The following ATP2B4 variants were observed in gnomAD, a reference collection of about 807,000 sequenced individuals.
The protein encoded by ATP2B4 is plasma membrane calcium-transporting ATPase 4.
ATP2B4 carries 39 observed loss-of-function variants against 110.3 expected under a neutral mutation model. The ratio of observed to expected loss-of-function variants is 0.35; its 90% CI spans 0.27 to 0.46. The LOEUF (loss-of-function observed/expected upper bound fraction) is 0.46. Ranked by LOEUF, ATP2B4 falls within the 20% of genes least tolerant of loss-of-function variation. The probability of loss-of-function intolerance (pLI) is 1.00; values close to 1 mark genes in which losing one functional copy is unlikely to be tolerated. For synonymous variants in ATP2B4, 538 were observed against 571.7 expected (o/e 0.94, Z 0.84); for missense variants, 1,135 against 1,530.9 (o/e 0.74, Z 4.32).
intron 1 of ATP2B4, among the ~76,000 whole-genome samples, chr1:203,665,544 G>A (rs1664477986): frequency 6.6e-6 from 1 of 152,162 alleles, no homozygotes; most frequent in Non-Finnish European, 1.5e-5. Context: ...GCTCACGCCT[G>A]TAATCCCAAC....
At chr1:203,673,581 C>T (rs921532443) in intron 1 of ATP2B4, among the ~76,000 whole-genome samples, 3 of 152,242 alleles carry the variant, frequency 2.0e-5, no homozygotes, top group Non-Finnish European at 2.9e-5. Context: ...ATAGGTAAAG[C>T]GGGGATGGGA....
At chr1:203,684,177 G>A (rs1455958915) in intron 2 of ATP2B4, among the ~76,000 whole-genome samples, 1 of 152,056 alleles carries the variant, frequency 6.6e-6, no homozygotes, top group African/African-American at 2.4e-5. Flanking sequence ...AAGTGAATAA[G>A]TCCAGCTGCC....
chr1:203,689,824 A>C (rs141749808), intron 2 of ATP2B4, among the ~76,000 whole-genome samples: 74 of 152,350 alleles, frequency 4.9e-4, no homozygotes, highest in Non-Finnish European at 8.4e-4. Context: ...AGCAGCGTCT[A>C]TGGGAACACA....
At position 203,713,158 on chromosome 1, in the gene ATP2B4, T is replaced by C; in HGVS notation, c.2212-7T>C. On this transcript the variant is annotated splice_region_variant and splice_polypyrimidine_tract_variant and intron_variant, in intron 13 of 20. Coordinates refer to ENST00000357681, the MANE Select transcript of ATP2B4 (RefSeq NM_001684.5). ...TGACTGATCCAGGTGTGGTCTGGTG[T>C]TGGCAGGTAGAGCAAGAAAAGCTGG... 4 of 1,614,166 alleles carry C rather than the reference T, an allele frequency of 2.5e-6. No individual in the cohort carries two copies. The highest frequency in any genetic ancestry group is 3.4e-6 in the Non-Finnish European group (4 of 1,180,000).
At chr1:203,698,669 A>G (rs12405255) in intron 3 of ATP2B4, among the ~76,000 whole-genome samples, 1 of 151,552 alleles carries the variant, frequency 6.6e-6, no homozygotes, top group African/African-American at 2.4e-5. Context: ...ATTTTAATGG[A>G]ATCTTGCTCT....
At chr1:203,639,985 G>T (rs758039904) in intron 1 of ATP2B4, among the ~76,000 whole-genome samples, 1 of 152,120 alleles carries the variant, frequency 6.6e-6, no homozygotes, top group African/African-American at 2.4e-5. Context: ...GCTTCAGTTG[G>T]TACATGCTGT....
Position 203,710,905 on chromosome 1 carries a change from G to A in ATP2B4, c.1828G>A (p.Glu610Lys), listed in dbSNP as rs149444704. 9.3e-6 allele frequency: 15 copies of A among 1,613,998 alleles called. No homozygotes were observed. The highest frequency in any genetic ancestry group is 1.2e-5 in the Non-Finnish European group (14 of 1,179,948). The stretch of plus-strand genomic sequence containing the variant: ...TAATCGAATCCTGGACCGGAAAGGG[G>A]AAGCAGTGCCATTCAAGAATAAAGA... ...KCNRILDRKG[E>K]AVPFKNKDRD... Residue 610 changes from glutamate to lysine, a missense_variant, in exon 12 of 21, where the codon GAA becomes AAA. Around this residue, in one of 9 missense-constraint regions of ATP2B4, gnomAD observed 368 missense variants for 455.9 expected, o/e 0.81. Coordinates refer to ENST00000357681, the MANE Select transcript of ATP2B4 (RefSeq NM_001684.5).
At chr1:203,667,898 G>A (rs1274498914) in intron 1 of ATP2B4, among the ~76,000 whole-genome samples, 1 of 152,210 alleles carries the variant, frequency 6.6e-6, no homozygotes, top group Non-Finnish European at 1.5e-5. Flanking sequence ...ATCCCTCTCT[G>A]GTGATGAAGA....
rs1390986215 is a variant in ATP2B4 at position 203,743,553 on chromosome 1, C to A, written c.*3699C>A. ...ATTGGCCTTTGGTTCATGTTTTCTC[C>A]CCATATGTATATATGCCATATGTGA... On this transcript the variant is annotated 3_prime_UTR_variant, in exon 21 of 21. Transcript: ENST00000357681. 1 of 152,572 alleles carries A rather than the reference C, an allele frequency of 6.6e-6. No individual in the cohort carries two copies. The highest frequency in any genetic ancestry group is 6.6e-5 in the Admixed American group (1 of 15,266). 9.5% of individuals were successfully genotyped at this position (152,572 alleles called of 1,614,324 possible). A position where few individuals can be genotyped will look rare whatever the true frequency, so the allele number is the denominator to read the frequency against.
chr1:203,683,298 G>A lies in ATP2B4; in HGVS notation c.93G>A (p.Lys31=). Reference sequence around the variant, plus strand: ...GCTGCACAGTAATGGAACTGAGGAAGCTCATGGAGCTGCGTTCAAGGGATG... The same window carrying A: ...GCTGCACAGTAATGGAACTGAGGAAACTCATGGAGCTGCGTTCAAGGGATG... ...DFGCTVMELR[K]LMELRSRDAL... Residue 31 remains lysine (K), a synonymous_variant, in exon 2 of 21, where the codon AAG becomes AAA. Coordinates refer to ENST00000357681, the MANE Select transcript of ATP2B4 (RefSeq NM_001684.5). The A allele has an allele frequency of 6.2e-7, 1 of 1,614,204 alleles. No homozygotes were observed. Among genetic ancestry groups the A allele is most frequent in the Non-Finnish European group, 8.5e-7 (1 of 1,180,044 alleles).
intron 1 of ATP2B4, among the ~76,000 whole-genome samples, chr1:203,644,423 A>G (rs1467180974): frequency 6.6e-6 from 1 of 152,102 alleles, no homozygotes; most frequent in Non-Finnish European, 1.5e-5. Flanking sequence ...AGCCTTCCTA[A>G]TGACAGGCAG....
chr1:203,724,000 C>G lies in ATP2B4; in HGVS notation c.3132+12C>G. 6.2e-7 allele frequency: 1 copy of G among 1,600,372 alleles called. No homozygotes were observed. The highest frequency in any genetic ancestry group is 8.5e-7 in the Non-Finnish European group (1 of 1,172,104). ...TTCTGTGGGGCCAGGTGAGTACCGGCACACCCTCCTGGTGCATTCTCACAG... is the reference window on the plus strand; with the variant it reads ...TTCTGTGGGGCCAGGTGAGTACCGGGACACCCTCCTGGTGCATTCTCACAG... On this transcript the variant is annotated intron_variant, in intron 19 of 20. Transcript: ENST00000357681.
Position 203,742,090 on chromosome 1 carries a change from A to G in ATP2B4, c.*2236A>G, listed in dbSNP as rs1382699843. ...ATAATAGGAGAGAAAATATAGAAATATATGCAAAAATTATAGTTTTCTTTA... is the reference window on the plus strand; with the variant it reads ...ATAATAGGAGAGAAAATATAGAAATGTATGCAAAAATTATAGTTTTCTTTA... On this transcript the variant is annotated 3_prime_UTR_variant, in exon 21 of 21. Transcript: ENST00000357681. 6.6e-6 allele frequency: 1 copy of G among 152,662 alleles called. No homozygotes were observed. The highest frequency in any genetic ancestry group is 1.5e-5 in the Non-Finnish European group (1 of 68,040). 9.5% of individuals were successfully genotyped at this position (152,662 alleles called of 1,614,324 possible). A position where few individuals can be genotyped will look rare whatever the true frequency, so the allele number is the denominator to read the frequency against.
At chr1:203,649,465 T>C (rs1663908493) in intron 1 of ATP2B4, among the ~76,000 whole-genome samples, 1 of 152,142 alleles carries the variant, frequency 6.6e-6, no homozygotes, top group South Asian at 2.1e-4. Flanking sequence ...TAAATGGAAG[T>C]GCTTTGAAAA....
In ATP2B4 at chr1:203,721,303, G is replaced by T; in HGVS notation, c.2705G>T (p.Arg902Leu). 6.2e-7 allele frequency: 1 copy of T among 1,614,208 alleles called. No homozygotes were observed. The highest frequency in any genetic ancestry group is 8.5e-7 in the Non-Finnish European group (1 of 1,180,032). ...CCCCCTACGGAATCTCTGTTGAAGC[G>T]GCGCCCCTATGGCCGAAATAAGCCT... ...TEPPTESLLK[R>L]RPYGRNKPLI... Residue 902 changes from arginine (R) to leucine (L), a missense_variant, in exon 17 of 21, where the codon CGG becomes CTG. By Grantham distance (102) the Arg-to-Leu change is moderately radical. Transcript: ENST00000357681.
Position 203,722,705 on chromosome 1 carries a change from C to T in ATP2B4, c.3024+16C>T. 1 of 1,611,672 alleles carries T rather than the reference C, an allele frequency of 6.2e-7. No homozygotes were observed. The highest frequency in any genetic ancestry group is 8.5e-7 in the Non-Finnish European group (1 of 1,177,904). Reference sequence around the variant, plus strand: ...CATCTGCCAGGTGAGATTCTATCTGCAGTTGGGGCAGGAGATCTGGAATGA... The same window carrying T: ...CATCTGCCAGGTGAGATTCTATCTGTAGTTGGGGCAGGAGATCTGGAATGA... On this transcript the variant is annotated intron_variant, in intron 18 of 20. Coordinates refer to ENST00000357681, the MANE Select transcript of ATP2B4 (RefSeq NM_001684.5).
intron 1 of ATP2B4, among the ~76,000 whole-genome samples, chr1:203,672,107 A>G (rs1664682105): frequency 1.3e-5 from 2 of 152,166 alleles, no homozygotes; most frequent in South Asian, 2.1e-4. Context: ...GGGAGGTGAG[A>G]AGACCCTGGG....
chr1:203,701,010 TGGTTGGAAGAATCTGCTGCCATGAA>T, intron 6 of ATP2B4, 87 bp downstream of exon 6: 1 of 1,467,756 alleles, frequency 6.8e-7, no homozygotes, highest in South Asian at 1.3e-5. Context: ...ATAGAAAGCA[TGGTTGGAAGAATCTGCTGCCATGAA>T]GAAAGCAGAT....
At chr1:203,652,175 C>G (rs1351632953) in intron 1 of ATP2B4, among the ~76,000 whole-genome samples, 2 of 142,840 alleles carry the variant, frequency 1.4e-5, no homozygotes, top group Middle Eastern at 3.9e-3. Flanking sequence ...CACAGAGTCT[C>G]ACTCTGTCCC....
Sources: gnomAD v4.1 joint callset for allele counts (sites outside exome capture counted in the v4.1 genomes callset) on GRCh38, gnomAD v4.1.1 for gene constraint, gnomAD v4.1.1 regional missense constraint, MANE v1.5 for transcripts, NCBI Gene and HGNC (gene_info 2026-07-23, HGNC 2026-07-21) for gene names.